The following SDK1 variants were observed in gnomAD, a reference collection of about 807,000 sequenced individuals.
The protein encoded by SDK1 is sidekick cell adhesion molecule 1, also known as protein sidekick-1.
In SDK1, 157 loss-of-function variants were observed where a neutral mutation model predicts 245.5. The observed-to-expected ratio is 0.64, with a 90% confidence interval of 0.56 to 0.73. SDK1 has a LOEUF of 0.73. SDK1 is among the 30% of genes least tolerant of loss of function. The pLI is 0.00. For missense variants in SDK1, 3,583 were observed against 3,002.3 expected, an observed-to-expected ratio of 1.19 and a Z score of -4.52; for synonymous variants, 1,647 against 1,278.5, an observed-to-expected ratio of 1.29 and a Z score of -6.15.
At chr7:3,812,118 A>G (rs897990302) in intron 4 of SDK1, among the ~76,000 whole-genome samples, 1 of 152,250 alleles carries the variant, frequency 6.6e-6, no homozygotes, top group African/African-American at 2.4e-5. Flanking sequence ...TCTTCCCTGG[A>G]CAGTGTTAAC....
At chr7:4,106,657 G>A (rs957372014) in intron 22 of SDK1, among the ~76,000 whole-genome samples, 5 of 152,168 alleles carry the variant, frequency 3.3e-5, no homozygotes, top group Non-Finnish European at 5.9e-5. Context: ...CCGCACGCCC[G>A]GCGTTCTCAG....
chr7:4,128,717 G>C, intron 26 of SDK1, among the ~76,000 whole-genome samples: 1 of 141,576 alleles, frequency 7.1e-6, no homozygotes, highest in Non-Finnish European at 1.5e-5. Flanking sequence ...AGAGCAGCTT[G>C]GGGTAGGGTG....
chr7:3,313,510 T>G (rs945956559), intron 1 of SDK1, among the ~76,000 whole-genome samples: 1 of 152,044 alleles, frequency 6.6e-6, no homozygotes, highest in African/African-American at 2.4e-5. Context: ...AACCCAGGAG[T>G]GAGGTACAGA....
intron 1 of SDK1, among the ~76,000 whole-genome samples, chr7:3,517,299 G>A (rs1782785110): frequency 6.6e-6 from 1 of 152,108 alleles, no homozygotes; most frequent in African/African-American, 2.4e-5. Context: ...GAGCACTAAT[G>A]TTTAATCTGT....
At chr7:4,187,521 T>C (rs538217404) in intron 35 of SDK1, among the ~76,000 whole-genome samples, 1 of 152,380 alleles carries the variant, frequency 6.6e-6, no homozygotes, top group South Asian at 2.1e-4. Flanking sequence ...CTTTTAAATC[T>C]TTCCTAGTTT....
At chr7:4,200,157 C>T (rs1783807115) in intron 35 of SDK1, among the ~76,000 whole-genome samples, 2 of 152,154 alleles carry the variant, frequency 1.3e-5, no homozygotes, top group Admixed American at 1.3e-4. Flanking sequence ...TGTAGTGCCC[C>T]ACCCAGAGCC....
intron 1 of SDK1, among the ~76,000 whole-genome samples, chr7:3,379,734 G>A (rs1781438858): frequency 6.6e-6 from 1 of 152,174 alleles, no homozygotes; most frequent in African/African-American, 2.4e-5. Context: ...TACTGTATGT[G>A]AAATATATAG....
At chr7:4,248,482 TACAC>T (rs1233377231) in intron 44 of SDK1, among the ~76,000 whole-genome samples, 12 of 150,030 alleles carry the variant, frequency 8.0e-5, no homozygotes, top group African/African-American at 1.7e-4. Context: ...CTTACCTAAA[TACAC>T]ACAACATATA....
At chr7:3,729,558 A>G (rs1042456695) in intron 4 of SDK1, among the ~76,000 whole-genome samples, 5 of 152,204 alleles carry the variant, frequency 3.3e-5, no homozygotes, top group South Asian at 2.1e-4. Flanking sequence ...CACAATGCCA[A>G]CAGTGCTAGA....
intron 1 of SDK1, among the ~76,000 whole-genome samples, chr7:3,313,911 T>C (rs753144678): frequency 1.3e-5 from 2 of 152,244 alleles, no homozygotes; most frequent in Admixed American, 6.5e-5. Context: ...ACAATAAATA[T>C]ATACAAATTT....
At chr7:3,432,666 C>T (rs966943602) in intron 1 of SDK1, among the ~76,000 whole-genome samples, 6 of 152,128 alleles carry the variant, frequency 3.9e-5, no homozygotes, top group Admixed American at 3.9e-4. Flanking sequence ...CCTAGGTTTG[C>T]TGTCTTCCCA....
At chr7:3,514,128 G>C (rs894629211) in intron 1 of SDK1, among the ~76,000 whole-genome samples, 17 of 152,126 alleles carry the variant, frequency 1.1e-4, no homozygotes, top group Non-Finnish European at 2.1e-4. Flanking sequence ...CGACAAGACA[G>C]GTTATCAGTG....
intron 13 of SDK1, 50 bp downstream of exon 13, chr7:3,974,595 C>T (rs760695608): frequency 1.9e-6 from 3 of 1,562,950 alleles, no homozygotes; most frequent in Middle Eastern, 3.4e-4. Flanking sequence ...TTCTCCGTTA[C>T]TGTGCCCCTG....
chr7:3,526,818 G>C (rs1374424736), intron 1 of SDK1, among the ~76,000 whole-genome samples: 1 of 152,122 alleles, frequency 6.6e-6, no homozygotes, highest in Non-Finnish European at 1.5e-5. Flanking sequence ...CAAACCACTA[G>C]AGTATGCATT....
chr7:3,318,585 G>A (rs1011436135), intron 1 of SDK1, among the ~76,000 whole-genome samples: 2 of 152,124 alleles, frequency 1.3e-5, no homozygotes, highest in Non-Finnish European at 2.9e-5. Context: ...CTTGTTTCGT[G>A]ACCTTTTGTC....
chr7:3,959,432 A>G (rs1001947331), intron 8 of SDK1, among the ~76,000 whole-genome samples: 2 of 152,134 alleles, frequency 1.3e-5, no homozygotes, highest in Non-Finnish European at 2.9e-5. Context: ...ATGGGTGTAC[A>G]TGTATTTGTA....
chr7:3,812,582 G>A (rs1265665469), intron 4 of SDK1, among the ~76,000 whole-genome samples: 3 of 152,194 alleles, frequency 2.0e-5, no homozygotes. Context: ...AGAAAAGGAT[G>A]CCCGCGTAGA....
At chr7:3,920,079 G>A (rs903968920) in intron 5 of SDK1, among the ~76,000 whole-genome samples, 2 of 152,176 alleles carry the variant, frequency 1.3e-5, no homozygotes, top group African/African-American at 2.4e-5. Flanking sequence ...ACGAAGCCAC[G>A]TGCAGGGGCA....
At chr7:3,978,675 G>T (rs553442511) in intron 13 of SDK1, among the ~76,000 whole-genome samples, 1 of 152,236 alleles carries the variant, frequency 6.6e-6, no homozygotes, top group Non-Finnish European at 1.5e-5. Context: ...CGTGATTGCA[G>T]GGCATTCTGT....
Sources: allele counts gnomAD v4.1 joint callset (sites outside exome capture counted in the v4.1 genomes callset), GRCh38; gene constraint gnomAD v4.1.1; transcripts MANE v1.5; gene names NCBI Gene and HGNC (gene_info 2026-07-23, HGNC 2026-07-21).